The following FAAH variants were observed in gnomAD, a reference collection of about 807,000 sequenced individuals.
FAAH encodes fatty-acid amide hydrolase 1.
FAAH carries 63 observed loss-of-function variants against 69.7 expected under a neutral mutation model. The ratio of observed to expected loss-of-function variants is 0.90; its 90% CI spans 0.74 to 1.12. FAAH has a LOEUF of 1.12. Among genes scored for constraint, FAAH ranks in the 50% most tolerant of loss-of-function variants. The probability of loss-of-function intolerance (pLI) is 0.00; values close to 1 mark genes in which losing one functional copy is unlikely to be tolerated. For missense variants in FAAH, 680 were observed against 755.0 expected (o/e 0.90, Z 1.16); for synonymous variants, 305 against 324.2 (o/e 0.94, Z 0.64).
At position 46,406,055 on chromosome 1, in the gene FAAH, G is replaced by T. The variant is rs776618353; in HGVS notation, c.803G>T (p.Gly268Val). 3 of 1,614,214 alleles carry T rather than the reference G, an allele frequency of 1.9e-6. No homozygotes were observed. Among genetic ancestry groups the T allele is most frequent in the East Asian group, 4.5e-5 (2 of 44,882 alleles). Residue 268 changes from glycine (G) to valine (V), a missense_variant, in exon 6 of 15, where the codon GGC (glycine) becomes GTC (valine). Gly to Val is a moderately radical substitution (Grantham distance 109). Coordinates refer to ENST00000243167, the MANE Select transcript of FAAH (RefSeq NM_001441.3). ...GNRLSKSGLK[G>V]CVYGQEAVRL... is the part of the protein sequence containing the mutation. Reference sequence around the variant, plus strand: ...TTATCCAGCAAGAGTGGCCTGAAGGGCTGTGTCTATGGACAGGAGGCAGGT... The same window carrying T: ...TTATCCAGCAAGAGTGGCCTGAAGGTCTGTGTCTATGGACAGGAGGCAGGT...
intron 1 of FAAH, among the ~76,000 whole-genome samples, chr1:46,394,828 G>C (rs1036665346): frequency 6.6e-6 from 1 of 152,256 alleles, no homozygotes; most frequent in African/African-American, 2.4e-5. Flanking sequence ...CTGCCTATTG[G>C]AATGCGAAAA....
At chr1:46,398,514 A>G (rs1664639566) in intron 1 of FAAH, among the ~76,000 whole-genome samples, 1 of 151,792 alleles carries the variant, frequency 6.6e-6, no homozygotes, top group Non-Finnish European at 1.5e-5. Flanking sequence ...TAGATTCTGG[A>G]CAAAGCGATT....
rs775582924 is a variant in FAAH at position 46,410,360 on chromosome 1, G to A, written c.1176-38G>A. On this transcript the variant is annotated intron_variant, in intron 9 of 14. Transcript: ENST00000243167. This position sits in a 1 kb window ranked among gnomAD's most constrained non-coding sequence, Gnocchi z 4.9. Reference sequence around the variant, plus strand: ...GGGCGAGCAAGCTGGGAAGGATGTGGGGATGGGAGTGCCTGGACCGAGCAT... The same window carrying A: ...GGGCGAGCAAGCTGGGAAGGATGTGAGGATGGGAGTGCCTGGACCGAGCAT... 71 of 1,543,654 alleles carry A rather than the reference G, an allele frequency of 4.6e-5. No individual in the cohort carries two copies. Among genetic ancestry groups the A allele is most frequent in the Non-Finnish European group, 5.8e-5 (65 of 1,115,940 alleles).
At chr1:46,396,005 C>G (rs775667223) in intron 1 of FAAH, among the ~76,000 whole-genome samples, 1 of 151,810 alleles carries the variant, frequency 6.6e-6, no homozygotes, top group African/African-American at 2.4e-5. Context: ...AGGGAGGACC[C>G]GCGCCAGCAC....
Position 46,394,404 on chromosome 1 carries a change from C to A in FAAH, c.56C>A (p.Ala19Asp). ...ALPGASGVAL[A>D]CCFVAAAVAL... is the part of the protein sequence containing the mutation. ...CCTGGCGCCTCCGGGGTCGCCCTGG[C>A]CTGCTGCTTCGTGGCGGCGGCCGTG... Residue 19 changes from alanine (A) to aspartate (D), a missense_variant, in exon 1 of 15, where the codon GCC becomes GAC. Transcript: ENST00000243167. 1 of 1,503,286 alleles carries A rather than the reference C, an allele frequency of 6.7e-7. No homozygotes were observed. The highest frequency in any genetic ancestry group is 1.3e-5 in the South Asian group (1 of 79,594). The allele number at this position is 1,503,286 out of a possible 1,614,324, so 93.1% of individuals were successfully genotyped here.
At chr1:46,397,712 C>A (rs573716452) in intron 1 of FAAH, among the ~76,000 whole-genome samples, 3 of 151,962 alleles carry the variant, frequency 2.0e-5, no homozygotes, top group African/African-American at 7.2e-5. Flanking sequence ...CAGGCGCCTG[C>A]CACCATGCCT....
chr1:46,410,868 T>C lies in FAAH; in HGVS notation c.1316+14T>C, dbSNP rs902638945. The C allele has an allele frequency of 1.2e-5, 19 of 1,614,136 alleles. No individual in the cohort carries two copies. The East Asian group carries it at 4.2e-4, about 36-fold the overall frequency. On this transcript the variant is annotated intron_variant, in intron 11 of 14. Transcript: ENST00000243167. The surrounding 1 kb of genome is among the most constrained non-coding windows in gnomAD (Gnocchi z 4.9). ...CATGAAGTCTCGGTAAGGGTTCTTC[T>C]GTGTCTAGCTGCCGGCCCCTGCCTG...
At chr1:46,412,005 C>G in intron 12 of FAAH, 138 bp from the exon 13 acceptor site, 1 of 776,262 alleles carries the variant, frequency 1.3e-6, no homozygotes, top group South Asian at 1.5e-5. Flanking sequence ...CCCGGAGGAC[C>G]TGTGTCCCAC....
chr1:46,402,262 C>T, intron 2 of FAAH, 58 bp downstream of exon 2: 1 of 1,344,262 alleles, frequency 7.4e-7, no homozygotes, highest in Non-Finnish European at 1.0e-6. Context: ...CAAGGCCAGC[C>T]CCTCCCTTTC....
chr1:46,408,413 G>T lies in FAAH; in HGVS notation c.952-46G>T, dbSNP rs201374876. On this transcript the variant is annotated intron_variant, in intron 7 of 14. Coordinates refer to ENST00000243167, the MANE Select transcript of FAAH (RefSeq NM_001441.3). ...CTGATCTCTAGGGGTCCTGCCTAGG[G>T]TTGTCTTCTCCTGACCTGCCCCTGT... 2.3e-4 allele frequency: 371 copies of T among 1,613,704 alleles called. 2 individuals are homozygous for T. The highest frequency in any genetic ancestry group is 1.2e-4 in the Admixed American group (7 of 59,994).
In FAAH at chr1:46,411,694, G is replaced by A. The variant is rs1664917388; in HGVS notation, c.1356+43G>A. 1 of 1,609,918 alleles carries A rather than the reference G, an allele frequency of 6.2e-7. No individual in the cohort carries two copies. The highest frequency in any genetic ancestry group is 1.3e-5 in the African/African-American group (1 of 74,814). On this transcript the variant is annotated intron_variant, in intron 12 of 14. Coordinates refer to ENST00000243167, the MANE Select transcript of FAAH (RefSeq NM_001441.3). This position sits in a 1 kb window ranked among gnomAD's most constrained non-coding sequence, Gnocchi z 4.8. ...GGATTGGAGCAGGGTGGTGGGGGGA[G>A]GGTGGAGTTGGACAGGGTACCCGCT...
Position 46,413,706 on chromosome 1 carries a change from C to T in FAAH, c.*131C>T, listed in dbSNP as rs1007853219. 4.4e-6 allele frequency: 6 copies of T among 1,377,294 alleles called. No homozygotes were observed. In the African/African-American group the frequency reaches 7.1e-5, roughly 16 times the overall value. 85.3% of individuals were successfully genotyped at this position (1,377,294 alleles called of 1,614,324 possible). On this transcript the variant is annotated 3_prime_UTR_variant, in exon 15 of 15. Coordinates refer to ENST00000243167, the MANE Select transcript of FAAH (RefSeq NM_001441.3). ...AGGCTTCCGTGTCCTCTCCCCCAACCCCCTGCAAGAAGCGCCGACTCCCTG... is the reference window on the plus strand; with the variant it reads ...AGGCTTCCGTGTCCTCTCCCCCAACTCCCTGCAAGAAGCGCCGACTCCCTG...
At chr1:46,409,275 A>G in intron 9 of FAAH, 77 bp downstream of exon 9, 1 of 1,138,038 alleles carries the variant, frequency 8.8e-7, no homozygotes, top group Non-Finnish European at 1.3e-6. Context: ...GGGTGTGGTG[A>G]TGCCTGGATG....
intron 2 of FAAH, among the ~76,000 whole-genome samples, chr1:46,403,389 G>A (rs576588945): frequency 1.5e-4 from 23 of 152,154 alleles, no homozygotes; most frequent in Non-Finnish European, 3.1e-4. Flanking sequence ...GAGCCACCGC[G>A]CCTGGCCTGT....
Position 46,410,492 on chromosome 1 carries a change from C to A in FAAH, c.1270C>A (p.Pro424Thr). 6.2e-7 allele frequency: 1 copy of A among 1,613,878 alleles called. No homozygotes were observed. The highest frequency in any genetic ancestry group is 8.5e-7 in the Non-Finnish European group (1 of 1,179,798). Residue 424 changes from proline to threonine, a missense_variant, in exon 10 of 15, where the codon CCT becomes ACT. Physicochemically the swap from Pro to Thr is conservative, Grantham distance 38. Transcript: ENST00000243167. This position sits in a 1 kb window ranked among gnomAD's most constrained non-coding sequence, Gnocchi z 4.9. ...LKGLLAFLVK[P>T]LLPRLSAFLS... is the part of the protein sequence containing the mutation. ...AGGACTGCTGGCCTTCCTGGTGAAG[C>A]CTCTGGTGAGGGCACAAGGAGTGGA...
Position 46,410,570 on chromosome 1 carries a change from A to T in FAAH, c.1275+73A>T. ...AGGGCCTCCTATCGCATGATCCCCC[A>T]TGGCCTCCCTCAGCCTCTCTTGGTT... On this transcript the variant is annotated intron_variant, in intron 10 of 14. Coordinates refer to ENST00000243167, the MANE Select transcript of FAAH (RefSeq NM_001441.3). This position sits in a 1 kb window ranked among gnomAD's most constrained non-coding sequence, Gnocchi z 4.9. 7.2e-7 allele frequency: 1 copy of T among 1,397,290 alleles called. No individual in the cohort carries two copies. Among genetic ancestry groups the T allele is most frequent in the Admixed American group, 1.7e-5 (1 of 58,680 alleles). 86.6% of individuals were successfully genotyped at this position (1,397,290 alleles called of 1,614,324 possible).
At chr1:46,412,656 G>A (rs1664937964) in intron 13 of FAAH, among the ~76,000 whole-genome samples, 1 of 151,964 alleles carries the variant, frequency 6.6e-6, no homozygotes, top group Admixed American at 6.6e-5. Context: ...ACAAAAAATA[G>A]AAAAATTAGC....
intron 9 of FAAH, chr1:46,409,400 G>A: frequency 1.7e-6 from 1 of 582,446 alleles, no homozygotes; most frequent in Non-Finnish European, 3.2e-6. Context: ...CCGAGGGGAG[G>A]CTGGGTTGAG....
In FAAH at chr1:46,404,707, C is replaced by T. The variant is rs1664760100; in HGVS notation, c.310-307C>T. Among the ~76,000 whole-genome samples the T allele has an allele frequency of 6.6e-6, 1 of 152,182 alleles. No homozygotes were observed. Among genetic ancestry groups the T allele is most frequent in the Admixed American group, 6.5e-5 (1 of 15,286 alleles). ...TGAGGGAGTGGCCAGTGGTCATCTT[C>T]CTCCCAGCTCACCCCCTACCTGGGG... On this transcript the variant is annotated intron_variant, in intron 2 of 14. Transcript: ENST00000243167. The surrounding 1 kb of genome is among the most constrained non-coding windows in gnomAD (Gnocchi z 4.5).
Sources: allele counts gnomAD v4.1 joint callset (sites outside exome capture counted in the v4.1 genomes callset), GRCh38; gene constraint gnomAD v4.1.1; non-coding constraint Gnocchi (gnomAD v3.1); transcripts MANE v1.5; gene names NCBI Gene and HGNC (gene_info 2026-07-23, HGNC 2026-07-21).